FNDC3B: variants seen among roughly 807,000 people sequenced by gnomAD.
FNDC3B encodes fibronectin type III domain-containing protein 3B.
In FNDC3B, 12 loss-of-function variants were observed where a neutral mutation model predicts 151.5. That is an observed-to-expected ratio of 0.08 (90% CI 0.05 to 0.13). The LOEUF (loss-of-function observed/expected upper bound fraction) is 0.13. Among genes scored for constraint, FNDC3B ranks in the 10% least tolerant of loss-of-function variants. The pLI, the probability that FNDC3B is intolerant of heterozygous loss-of-function variation, is 1.00. For synonymous variants in FNDC3B, 528 were observed against 549.0 expected, an observed-to-expected ratio of 0.96 and a Z score of 0.54; for missense variants, 1,214 against 1,505.3, an observed-to-expected ratio of 0.81 and a Z score of 3.20.
intron 1 of FNDC3B, among the ~76,000 whole-genome samples, chr3:172,068,659 A>C (rs573338355): frequency 1.1e-3 from 161 of 152,262 alleles, no homozygotes; most frequent in South Asian, 1.9e-3. Flanking sequence ...TCCTGACGTC[A>C]GATGATCCAC....
At chr3:172,190,576 T>C (rs1724452662) in intron 3 of FNDC3B, among the ~76,000 whole-genome samples, 1 of 152,272 alleles carries the variant, frequency 6.6e-6, no homozygotes, top group Non-Finnish European at 1.5e-5. Flanking sequence ...TGGTTCAGTT[T>C]ATTTTATTGT....
intron 7 of FNDC3B, among the ~76,000 whole-genome samples, chr3:172,287,770 G>GC (rs1483965960): frequency 6.6e-6 from 1 of 152,172 alleles, no homozygotes; most frequent in Non-Finnish European, 1.5e-5. Context: ...CAAGACAAAA[G>GC]CCATATTTAG....
At chr3:172,056,023 C>T (rs545440203) in intron 1 of FNDC3B, among the ~76,000 whole-genome samples, 2 of 152,058 alleles carry the variant, frequency 1.3e-5, no homozygotes, top group African/African-American at 2.4e-5. Flanking sequence ...CCTCGTGATC[C>T]GCCCGCCTCG....
intron 3 of FNDC3B, among the ~76,000 whole-genome samples, chr3:172,218,134 GAAAAAAAAAAA>G (rs57576493): frequency 1.9e-4 from 12 of 62,740 alleles, no homozygotes; most frequent in African/African-American, 7.0e-4. Flanking sequence ...CGACTTTCAG[GAAAAAAAAAAA>G]AAAAAAAAAA....
chr3:172,179,896 A>G lies in FNDC3B; in HGVS notation c.187+46350A>G, dbSNP rs554497546. 2.0e-5 allele frequency among the ~76,000 whole-genome samples: 3 copies of G among 148,088 alleles called. No homozygotes were observed. The South Asian group carries it at 6.3e-4, about 31-fold the overall frequency. ...AAAAAAAAAAAAAAAGAGTGTAAAC[A>G]GGTAATTTTACTGGGCCTTAGTTTC... On this transcript the variant is annotated intron_variant, in intron 3 of 25. Coordinates refer to ENST00000415807, the MANE Select transcript of FNDC3B (RefSeq NM_022763.4).
At chr3:172,150,829 A>C (rs566101986) in intron 3 of FNDC3B, among the ~76,000 whole-genome samples, 29 of 152,272 alleles carry the variant, frequency 1.9e-4, no homozygotes, top group South Asian at 4.1e-4. Context: ...CATCATCGAG[A>C]ATGGGGTGTC....
At chr3:172,227,194 A>T in intron 4 of FNDC3B, 1 of 359,904 alleles carries the variant, frequency 2.8e-6, no homozygotes, top group East Asian at 4.4e-5. Flanking sequence ...TTTATATTTG[A>T]TTGTTTGGTT....
chr3:172,229,084 AACACACACACACACACACACACACACAC>A (rs760446690), intron 4 of FNDC3B, among the ~76,000 whole-genome samples: 126 of 117,858 alleles, frequency 1.1e-3, no homozygotes, highest in Non-Finnish European at 1.7e-3. Context: ...GAAAGAAAGA[AACACACACACACACACACACACACACAC>A]ACACACACAC....
chr3:172,284,083 T>C (rs1267363713), intron 6 of FNDC3B, among the ~76,000 whole-genome samples: 2 of 152,176 alleles, frequency 1.3e-5, no homozygotes, highest in African/African-American at 4.8e-5. Flanking sequence ...TTTTGTTATT[T>C]TTAATATAGA....
chr3:172,193,943 G>A (rs999901039), intron 3 of FNDC3B, among the ~76,000 whole-genome samples: 1 of 152,108 alleles, frequency 6.6e-6, no homozygotes, highest in Non-Finnish European at 1.5e-5. Flanking sequence ...AGTGGTGGTC[G>A]GGCGTGGTGG....
intron 3 of FNDC3B, among the ~76,000 whole-genome samples, chr3:172,213,898 C>T (rs1477600083): frequency 6.6e-6 from 1 of 152,110 alleles, no homozygotes; most frequent in Non-Finnish European, 1.5e-5. Flanking sequence ...TCTCAGGCCC[C>T]CTTAGTAGTA....
At chr3:172,396,734 C>T (rs531993450) in intron 25 of FNDC3B, among the ~76,000 whole-genome samples, 1 of 152,260 alleles carries the variant, frequency 6.6e-6, no homozygotes, top group Admixed American at 6.5e-5. Context: ...ACTCCTCATG[C>T]GGATCTAACA....
intron 1 of FNDC3B, among the ~76,000 whole-genome samples, chr3:172,047,921 T>C (rs1245928815): frequency 6.6e-6 from 1 of 152,224 alleles, no homozygotes; most frequent in Non-Finnish European, 1.5e-5. Context: ...GCATCATTAT[T>C]GCTTTTAGCT....
At chr3:172,380,357 G>A (rs1371365210) in intron 24 of FNDC3B, among the ~76,000 whole-genome samples, 2 of 151,906 alleles carry the variant, frequency 1.3e-5, no homozygotes, top group Non-Finnish European at 2.9e-5. Flanking sequence ...AGTTCAGGAG[G>A]TGAAAAATAA....
intron 19 of FNDC3B, among the ~76,000 whole-genome samples, chr3:172,344,822 G>T (rs77623733): frequency 0.022 from 3,354 of 152,262 alleles, 54 homozygotes; most frequent in Middle Eastern, 0.058. Flanking sequence ...CATAAAGGTT[G>T]TTGTCCTTTT....
Position 172,054,402 on chromosome 3 carries a change from C to T in FNDC3B, c.-29+14631C>T, listed in dbSNP as rs189472078. ...CCTTTGTTAGAAATCATGTAGGGCTCGACTCCATCTTTAGAAAGTGAGTTC... is the reference window on the plus strand; with the variant it reads ...CCTTTGTTAGAAATCATGTAGGGCTTGACTCCATCTTTAGAAAGTGAGTTC... On this transcript the variant is annotated intron_variant, in intron 1 of 25. Transcript: ENST00000415807. 2.1e-4 allele frequency among the ~76,000 whole-genome samples: 32 copies of T among 152,248 alleles called. No individual in the cohort carries two copies. The East Asian group carries it at 5.6e-3, about 27-fold the overall frequency.
intron 7 of FNDC3B, among the ~76,000 whole-genome samples, chr3:172,288,816 C>T (rs533116697): frequency 2.6e-5 from 4 of 152,306 alleles, no homozygotes; most frequent in South Asian, 2.1e-4. Flanking sequence ...GCTTTGCCAA[C>T]ATGTGGGTGG....
In FNDC3B at chr3:172,138,251, G is replaced by A. The variant is rs542836055; in HGVS notation, c.187+4705G>A. On this transcript the variant is annotated intron_variant, in intron 3 of 25. Coordinates refer to ENST00000415807, the MANE Select transcript of FNDC3B (RefSeq NM_022763.4). The stretch of plus-strand genomic sequence containing the variant: ...ATGCGTAAACCTTTCCTTAGCTCTC[G>A]AATTAGATGTGAATTCAGTTGTGAC... Among the ~76,000 whole-genome samples, 11 of 152,282 alleles carry A rather than the reference G, an allele frequency of 7.2e-5. No homozygotes were observed. The East Asian group carries it at 1.3e-3, about 19-fold the overall frequency.
intron 3 of FNDC3B, among the ~76,000 whole-genome samples, chr3:172,147,783 G>T (rs1366894826): frequency 2.6e-5 from 4 of 152,058 alleles, no homozygotes; most frequent in South Asian, 2.1e-4. Flanking sequence ...GATCGTCGGG[G>T]TTGGTGACAT....
Sources: allele counts gnomAD v4.1 joint callset (sites outside exome capture counted in the v4.1 genomes callset), GRCh38; gene constraint gnomAD v4.1.1; transcripts MANE v1.5; gene names NCBI Gene and HGNC (gene_info 2026-07-23, HGNC 2026-07-21).